Variants in NXN observed in about 807,000 individuals in gnomAD.
NXN encodes the protein nucleoredoxin 1.
Under a neutral mutation model 48.6 loss-of-function variants are expected in NXN, and 16 were observed. That is an observed-to-expected ratio of 0.33 (90% confidence interval 0.22 to 0.50). The LOEUF (loss-of-function observed/expected upper bound fraction) is 0.50. Ranked by LOEUF, NXN falls within the 20% of genes least tolerant of loss-of-function variation. The pLI is 0.98. For synonymous variants in NXN, 281 were observed against 269.6 expected, an observed-to-expected ratio of 1.04 and a Z score of -0.41; for missense variants, 492 against 605.5, an observed-to-expected ratio of 0.81 and a Z score of 1.97.
intron 5 of NXN, among the ~76,000 whole-genome samples, chr17:814,212 T>C (rs541706536): frequency 2.6e-5 from 4 of 151,972 alleles, no homozygotes; most frequent in East Asian, 1.9e-4. Flanking sequence ...TGAGCAGAGA[T>C]TGCGCCACTG....
chr17:818,178 T>C lies in NXN; in HGVS notation c.820+1261A>G, dbSNP rs113892360. Among the ~76,000 whole-genome samples, 1,018 of 151,754 alleles carry C rather than the reference T, an allele frequency of 6.7e-3. 15 individuals are homozygous for C. The highest frequency in any genetic ancestry group is 0.022 in the African/African-American group (924 of 41,378). ...CGGGAGGCTGAGGTGAGAGGATGGC[T>C]TGAGCCCTGGAGGCAGAGGTTGTGG... On this transcript the variant is annotated intron_variant, in intron 5 of 7. Coordinates refer to ENST00000336868, the MANE Select transcript of NXN (RefSeq NM_022463.5).
intron 1 of NXN, among the ~76,000 whole-genome samples, chr17:843,667 C>T (rs1227790184): frequency 2.6e-5 from 4 of 152,288 alleles, no homozygotes; most frequent in Middle Eastern, 6.8e-3. Flanking sequence ...GAGGCAGTCA[C>T]TTCTAGTGGG....
At chr17:850,647 C>T (rs144122991) in intron 1 of NXN, among the ~76,000 whole-genome samples, 1,892 of 152,186 alleles carry the variant, frequency 0.012, 32 homozygotes, top group Non-Finnish European at 0.014. Flanking sequence ...GGCGTGGGGG[C>T]CCCGGGAGCT....
rs146409924 is a variant in NXN at position 917,629 on chromosome 17, G to A, written c.360+61690C>T. ...ATTCCCAGCTCTCCCACAAGGACGT[G>A]GCTCAGACGCACGTCACCATCTCAA... On this transcript the variant is annotated intron_variant, in intron 1 of 7. Transcript: ENST00000336868. This position sits in a 1 kb window ranked among gnomAD's most constrained non-coding sequence, Gnocchi z 4.5. Among the ~76,000 whole-genome samples the A allele has an allele frequency of 2.0e-5, 3 of 152,324 alleles. No homozygotes were observed. Among genetic ancestry groups the A allele is most frequent in the Non-Finnish European group, 4.4e-5 (3 of 68,030 alleles).
rs2068189798 is a variant in NXN at position 874,176 on chromosome 17, CT to C, written c.361-48099del. ...CGTCCCCCTTCTGCTCATCCTTCTC[CT>C]TCCTGCCACCATGTGAAGAAGGATG... is the stretch of plus-strand genomic sequence containing the variant. On this transcript the variant is annotated intron_variant, in intron 1 of 7. Coordinates refer to ENST00000336868, the MANE Select transcript of NXN (RefSeq NM_022463.5). 2.6e-5 allele frequency among the ~76,000 whole-genome samples: 4 copies of C among 152,212 alleles called. No individual in the cohort carries two copies. In the South Asian group the frequency reaches 8.3e-4, roughly 32 times the overall value.
At chr17:873,439 G>C (rs1286638227) in intron 1 of NXN, among the ~76,000 whole-genome samples, 1 of 145,512 alleles carries the variant, frequency 6.9e-6, no homozygotes, top group Non-Finnish European at 1.5e-5. Flanking sequence ...GGAGGTTGCA[G>C]TGAGCTGAGA....
intron 5 of NXN, among the ~76,000 whole-genome samples, chr17:813,480 C>T (rs540978330): frequency 1.3e-5 from 2 of 152,356 alleles, no homozygotes; most frequent in South Asian, 2.1e-4. Flanking sequence ...AACCTCGAAG[C>T]GCTGAGAAGG....
At position 931,015 on chromosome 17, in the gene NXN, C is replaced by T. The variant is rs188619831; in HGVS notation, c.360+48304G>A. On this transcript the variant is annotated intron_variant, in intron 1 of 7. Transcript: ENST00000336868. ...CGAACTCCTGACCTCATGATCCGCCCGACTCAGCCTCCCAAAGTGCCGGGA... is the reference window on the plus strand; with the variant it reads ...CGAACTCCTGACCTCATGATCCGCCTGACTCAGCCTCCCAAAGTGCCGGGA... Among the ~76,000 whole-genome samples the T allele has an allele frequency of 1.9e-3, 294 of 152,160 alleles. 3 individuals carry two copies. The East Asian group carries it at 0.026, about 13-fold the overall frequency.
rs5818770 is a variant in NXN, at chr17:836,963, CTATTATTAT to C, written c.361-10894_361-10886del. Among the ~76,000 whole-genome samples the C allele has an allele frequency of 1.1e-4, 16 of 144,920 alleles. No individual in the cohort carries two copies. In the East Asian group the frequency reaches 1.2e-3, roughly 11 times the overall value. On this transcript the variant is annotated intron_variant, in intron 1 of 7. Coordinates refer to ENST00000336868, the MANE Select transcript of NXN (RefSeq NM_022463.5). The stretch of plus-strand genomic sequence containing the variant: ...TGAGCCACCACACCTAGCTTAGTTG[CTATTATTAT>C]TATTATTATTATTATTATTTTCTAG...
intron 1 of NXN, among the ~76,000 whole-genome samples, chr17:874,801 C>T (rs936471965): frequency 5.3e-5 from 8 of 152,218 alleles, no homozygotes; most frequent in African/African-American, 1.9e-4. Context: ...AGCTCCCAGG[C>T]ACAAGCCTGG....
rs1031299210 is a variant in NXN at position 917,813 on chromosome 17, G to A, written c.360+61506C>T. On this transcript the variant is annotated intron_variant, in intron 1 of 7. Coordinates refer to ENST00000336868, the MANE Select transcript of NXN (RefSeq NM_022463.5). The surrounding 1 kb of genome is among the most constrained non-coding windows in gnomAD (Gnocchi z 4.5). ...GCCTCGCAGAGGTGGGGACAAGGGC[G>A]GATGGGAAAGGGGATAAGCGACAGG... is the stretch of plus-strand genomic sequence containing the variant. Among the ~76,000 whole-genome samples the A allele has an allele frequency of 5.9e-5, 9 of 152,214 alleles. No individual in the cohort carries two copies. Among genetic ancestry groups the A allele is most frequent in the African/African-American group, 9.6e-5 (4 of 41,452 alleles).
chr17:943,435 C>T (rs896471665), intron 1 of NXN, among the ~76,000 whole-genome samples: 1 of 152,142 alleles, frequency 6.6e-6, no homozygotes, highest in African/African-American at 2.4e-5. Context: ...CACGTCTGTT[C>T]CCCACGTGCC....
At chr17:838,770 T>C (rs1294147855) in intron 1 of NXN, among the ~76,000 whole-genome samples, 1 of 152,152 alleles carries the variant, frequency 6.6e-6, no homozygotes, top group Non-Finnish European at 1.5e-5. Context: ...GGGCCCTGAA[T>C]CTTCAAACAC....
chr17:966,310 CT>C (rs140356549), intron 1 of NXN, among the ~76,000 whole-genome samples: 2 of 150,044 alleles, frequency 1.3e-5, no homozygotes, highest in Non-Finnish European at 1.5e-5. Context: ...TTGCTATTTG[CT>C]TTTTTTTTAG....
intron 1 of NXN, among the ~76,000 whole-genome samples, chr17:936,091 C>CAAAA (rs71371597): frequency 0.19 from 11,415 of 61,190 alleles, 839 homozygotes; most frequent in South Asian, 0.22. Context: ...GATTCCATCT[C>CAAAA]AAAAAAAAAA....
intron 1 of NXN, among the ~76,000 whole-genome samples, chr17:900,258 C>T (rs2068525059): frequency 7.2e-6 from 1 of 139,804 alleles, no homozygotes; most frequent in Non-Finnish European, 1.5e-5. Context: ...AAGACCGAAA[C>T]TCCGTCTCAA....
At chr17:975,246 A>G (rs368178010) in intron 1 of NXN, among the ~76,000 whole-genome samples, 16 of 152,268 alleles carry the variant, frequency 1.1e-4, no homozygotes, top group African/African-American at 3.6e-4. Context: ...AGAAAATCCT[A>G]ATTTTCAAAT....
At chr17:968,541 G>A (rs2069333699) in intron 1 of NXN, among the ~76,000 whole-genome samples, 1 of 152,116 alleles carries the variant, frequency 6.6e-6, no homozygotes, top group Non-Finnish European at 1.5e-5. Flanking sequence ...CTGCACTCTA[G>A]CCTGGGCAAC....
chr17:964,831 G>A (rs1226358104), intron 1 of NXN, among the ~76,000 whole-genome samples: 1 of 152,262 alleles, frequency 6.6e-6, no homozygotes, highest in East Asian at 1.9e-4. Flanking sequence ...TTTGCAGCTA[G>A]TGACTGTCTA....
Sources: allele counts gnomAD v4.1 joint callset (sites outside exome capture counted in the v4.1 genomes callset), GRCh38; gene constraint gnomAD v4.1.1; non-coding constraint Gnocchi (gnomAD v3.1); transcripts MANE v1.5; gene names NCBI Gene and HGNC (gene_info 2026-07-23, HGNC 2026-07-21).